SUPT3H: variants seen among roughly 807,000 people sequenced by gnomAD.
The protein encoded by SUPT3H is SPT3 homolog, SAGA and STAGA complex component.
SUPT3H carries 44 observed loss-of-function variants against 44.3 expected under a neutral mutation model. The ratio of observed to expected loss-of-function variants is 0.99; its 90% CI spans 0.78 to 1.28. The LOEUF (loss-of-function observed/expected upper bound fraction) is 1.28. Ranked by LOEUF, SUPT3H falls within the 50% of genes most tolerant of loss-of-function variation. SUPT3H has a pLI of 0.00. For missense variants in SUPT3H, 380 were observed against 387.1 expected (o/e 0.98, Z 0.15); for synonymous variants, 124 against 125.6 (o/e 0.99, Z 0.09).
intron 2 of SUPT3H, among the ~76,000 whole-genome samples, chr6:45,262,070 A>C (rs1774456285): frequency 6.6e-6 from 1 of 152,206 alleles, no homozygotes; most frequent in Non-Finnish European, 1.5e-5. Context: ...GAAAGAAATC[A>C]GCGATGACAT....
intron 4 of SUPT3H, among the ~76,000 whole-genome samples, chr6:45,019,198 C>A (rs567206290): frequency 2.0e-5 from 3 of 152,154 alleles, no homozygotes; most frequent in East Asian, 3.9e-4. Flanking sequence ...GTGATATCCC[C>A]TTTATCATTT....
At chr6:45,119,026 G>A (rs989119430) in intron 2 of SUPT3H, among the ~76,000 whole-genome samples, 1 of 152,160 alleles carries the variant, frequency 6.6e-6, no homozygotes, top group Non-Finnish European at 1.5e-5. Flanking sequence ...TCATAGATCA[G>A]CTGGCAGTCA....
At chr6:45,060,251 C>A (rs1791775667) in intron 3 of SUPT3H, among the ~76,000 whole-genome samples, 1 of 151,976 alleles carries the variant, frequency 6.6e-6, no homozygotes, top group Admixed American at 6.6e-5. Flanking sequence ...AAAACAGATG[C>A]ATAGACTAAT....
At chr6:44,956,677 A>G (rs1277206065) in intron 7 of SUPT3H, among the ~76,000 whole-genome samples, 1 of 151,940 alleles carries the variant, frequency 6.6e-6, no homozygotes, top group Non-Finnish European at 1.5e-5. Flanking sequence ...AGCCTTTAAG[A>G]TATTTCCCTA....
intron 2 of SUPT3H, among the ~76,000 whole-genome samples, chr6:45,323,499 G>C (rs1311735084): frequency 6.6e-6 from 1 of 151,924 alleles, no homozygotes; most frequent in East Asian, 1.9e-4. Context: ...CATGAATAAA[G>C]AGCAAGAAAA....
At chr6:44,932,793 T>A (rs760100572) in intron 9 of SUPT3H, 30 bp from the exon 10 acceptor site, 12 of 1,473,430 alleles carry the variant, frequency 8.1e-6, no homozygotes, top group Non-Finnish European at 1.0e-5. Flanking sequence ...AAATTGTTAC[T>A]AAATCAAAAA....
chr6:45,374,880 A>G (rs144290356), intron 1 of SUPT3H, among the ~76,000 whole-genome samples: 97 of 152,350 alleles, frequency 6.4e-4, no homozygotes, highest in Middle Eastern at 3.4e-3. Context: ...TTTATTATTT[A>G]GACACAAAAA....
chr6:45,153,992 C>T (rs1448144786), intron 2 of SUPT3H, among the ~76,000 whole-genome samples: 3 of 144,256 alleles, frequency 2.1e-5, no homozygotes, highest in Non-Finnish European at 3.0e-5. Flanking sequence ...ATCGCTTGAA[C>T]CCGGGAGGCG....
At chr6:45,006,680 T>C (rs1453996319) in intron 5 of SUPT3H, among the ~76,000 whole-genome samples, 2 of 152,130 alleles carry the variant, frequency 1.3e-5, no homozygotes, top group African/African-American at 2.4e-5. Context: ...TCAGAACACT[T>C]TCATTTTCCC....
chr6:44,885,248 G>T (rs1397834240), intron 10 of SUPT3H, among the ~76,000 whole-genome samples: 1 of 152,180 alleles, frequency 6.6e-6, no homozygotes, highest in Non-Finnish European at 1.5e-5. Flanking sequence ...CTGTCTGACA[G>T]CTTTGAAGAG....
chr6:44,901,361 A>C (rs1267119207), intron 10 of SUPT3H, among the ~76,000 whole-genome samples: 1 of 152,238 alleles, frequency 6.6e-6, no homozygotes. Flanking sequence ...AAGGCACAAG[A>C]ACTACGTGAC....
intron 9 of SUPT3H, among the ~76,000 whole-genome samples, chr6:44,940,809 T>A (rs1015828016): frequency 1.3e-5 from 2 of 152,174 alleles, no homozygotes; most frequent in African/African-American, 2.4e-5. Context: ...TTTATTATTA[T>A]GTAGTGACTT....
At chr6:45,195,817 G>T (rs1815920954) in intron 2 of SUPT3H, among the ~76,000 whole-genome samples, 1 of 152,026 alleles carries the variant, frequency 6.6e-6, no homozygotes, top group African/African-American at 2.4e-5. Context: ...AACATAAGGT[G>T]AAAAACAATT....
At chr6:45,325,444 A>T (rs1012624563) in intron 2 of SUPT3H, among the ~76,000 whole-genome samples, 7 of 151,952 alleles carry the variant, frequency 4.6e-5, no homozygotes, top group African/African-American at 1.7e-4. Flanking sequence ...AACACATTTT[A>T]TTCACTACAA....
intron 3 of SUPT3H, among the ~76,000 whole-genome samples, chr6:45,087,311 T>C (rs1796592667): frequency 6.6e-6 from 1 of 151,874 alleles, no homozygotes; most frequent in South Asian, 2.1e-4. Context: ...CCACATAAAT[T>C]TCAAGTTATT....
At chr6:45,269,694 T>C (rs1235456992) in intron 2 of SUPT3H, among the ~76,000 whole-genome samples, 1 of 152,216 alleles carries the variant, frequency 6.6e-6, no homozygotes, top group Non-Finnish European at 1.5e-5. Context: ...ATCAATTTAA[T>C]TGTTTGCTTT....
chr6:45,085,988 T>A (rs529755495), intron 3 of SUPT3H, among the ~76,000 whole-genome samples: 2 of 152,242 alleles, frequency 1.3e-5, no homozygotes, highest in African/African-American at 4.8e-5. Context: ...GATCTTTAGG[T>A]ATGAGAAACA....
Position 44,888,143 on chromosome 6 carries a change from T to A in SUPT3H, c.912+44510A>T, listed in dbSNP as rs4711800. Among the ~76,000 whole-genome samples the A allele has an allele frequency of 3.1e-4, 47 of 152,210 alleles. No homozygotes were observed. The East Asian group carries it at 6.8e-3, about 22-fold the overall frequency. On this transcript the variant is annotated intron_variant, in intron 10 of 10. Coordinates refer to ENST00000371459, the MANE Select transcript of SUPT3H (RefSeq NM_003599.4). ...AATCAATGGCTTACCAACCAAAAAG[T>A]GTCCAGGACCAGAAGGATTCACAGC...
At chr6:45,283,303 A>G (rs1389429255) in intron 2 of SUPT3H, among the ~76,000 whole-genome samples, 1 of 152,166 alleles carries the variant, frequency 6.6e-6, no homozygotes, top group Non-Finnish European at 1.5e-5. Flanking sequence ...ACTGGATAAA[A>G]AGTCAAGACC....
Sources: allele counts gnomAD v4.1 joint callset (sites outside exome capture counted in the v4.1 genomes callset), GRCh38; gene constraint gnomAD v4.1.1; transcripts MANE v1.5; gene names NCBI Gene and HGNC (gene_info 2026-07-23, HGNC 2026-07-21).